SERPINB13: variants seen among roughly 807,000 people sequenced by gnomAD.
The protein encoded by SERPINB13 is serpin B13.
Under a neutral mutation model 31.2 loss-of-function variants are expected in SERPINB13, and 26 were observed. The ratio of observed to expected loss-of-function variants is 0.83; its 90% CI spans 0.61 to 1.15. The LOEUF (loss-of-function observed/expected upper bound fraction) is 1.15, where lower values mean the gene tolerates loss of function less well. Among genes scored for constraint, SERPINB13 ranks in the 50% most tolerant of loss-of-function variants. SERPINB13 has a pLI of 0.00. For synonymous variants in SERPINB13, 191 were observed against 172.4 expected (o/e 1.11, Z -0.85); for missense variants, 510 against 469.4 (o/e 1.09, Z -0.80).
intron 3 of SERPINB13, 39 bp from the exon 4 acceptor site, chr18:63,592,309 G>T: frequency 6.3e-7 from 1 of 1,589,306 alleles, no homozygotes; most frequent in Non-Finnish European, 8.6e-7. Flanking sequence ...GCTTGCTTTT[G>T]CCAAGATAAC....
At position 63,592,381 on chromosome 18, in the gene SERPINB13, C is replaced by G; in HGVS notation, c.259C>G (p.Gln87Glu). 1 of 1,612,300 alleles carries G rather than the reference C, an allele frequency of 6.2e-7. No individual in the cohort carries two copies. Among genetic ancestry groups the G allele is most frequent in the Non-Finnish European group, 8.5e-7 (1 of 1,179,152 alleles). Residue 87 changes from glutamine to glutamate, a missense_variant, in exon 4 of 8, where the codon CAA (glutamine) becomes GAA (glutamate). Transcript: ENST00000344731. ...ENTEAVHQQF[Q>E]KFLTEISKLT... ...CACAGAAGCAGTACATCAACAATTC[C>G]AAAAGTTTTTGACTGAAATAAGCAA... is the stretch of plus-strand genomic sequence containing the variant.
chr18:63,593,166 G>A (rs925892288), intron 5 of SERPINB13, among the ~76,000 whole-genome samples, 195 bp downstream of exon 5: 5 of 152,180 alleles, frequency 3.3e-5, no homozygotes, highest in Non-Finnish European at 7.3e-5. Flanking sequence ...AGGCCTAGGA[G>A]GTAGGGAAGG....
intron 3 of SERPINB13, among the ~76,000 whole-genome samples, chr18:63,590,830 G>A (rs1222324653): frequency 6.6e-6 from 1 of 152,162 alleles, no homozygotes; most frequent in Non-Finnish European, 1.5e-5. Flanking sequence ...GAAGAGAATA[G>A]AATTACTGAC....
rs1912249213 is a variant in SERPINB13, at chr18:63,597,378, T to C, written c.*15T>C. On this transcript the variant is annotated 3_prime_UTR_variant, in exon 8 of 8. Transcript: ENST00000344731. ...CTTCTCCTTAAGATGATCGTTGCCA[T>C]GGCATTGCTGCTTTTAGCAAAAAAC... 15 of 1,590,040 alleles carry C rather than the reference T, an allele frequency of 9.4e-6. No individual in the cohort carries two copies. Among genetic ancestry groups the C allele is most frequent in the African/African-American group, 1.3e-5 (1 of 74,448 alleles).
Position 63,589,895 on chromosome 18 carries a change from CA to C in SERPINB13, c.225+182del, listed in dbSNP as rs1297307077. The stretch of plus-strand genomic sequence containing the variant: ...GACAAATATTGTTGTAAGGATTATA[CA>C]ATAATAATAACCCCTTAATATTGAG... On this transcript the variant is annotated intron_variant, in intron 3 of 7. Transcript: ENST00000344731. 3.2e-6 allele frequency: 4 copies of C among 1,244,372 alleles called. No individual in the cohort carries two copies. The African/African-American group carries it at 6.1e-5, about 19-fold the overall frequency. 77.1% of individuals were successfully genotyped at this position (1,244,372 alleles called of 1,614,324 possible).
At chr18:63,587,543 C>T (rs181861476) in intron 1 of SERPINB13, 93 bp downstream of exon 1, 4 of 435,192 alleles carry the variant, frequency 9.2e-6, no homozygotes, top group African/African-American at 6.2e-5. Context: ...TTTGCATAGA[C>T]TTTCTGGAGG....
At chr18:63,587,536 G>A in intron 1 of SERPINB13, 86 bp downstream of exon 1, 1 of 444,946 alleles carries the variant, frequency 2.2e-6, no homozygotes, top group Non-Finnish European at 4.6e-6. Flanking sequence ...CTTTTATTTT[G>A]CATAGACTTT....
chr18:63,589,449 C>T (rs1022726924), intron 2 of SERPINB13, among the ~76,000 whole-genome samples: 3 of 97,430 alleles, frequency 3.1e-5, no homozygotes, highest in African/African-American at 1.5e-4. Context: ...AGCAAAACTC[C>T]ATCACACACA....
At chr18:63,594,042 A>C (rs765953049) in intron 5 of SERPINB13, 3 of 682,534 alleles carry the variant, frequency 4.4e-6, no homozygotes, top group Non-Finnish European at 4.8e-6. Context: ...AAACTGAGGC[A>C]CAGAGAGTTT....
In SERPINB13 at chr18:63,588,710, C is replaced by G. The variant is rs1433974812; in HGVS notation, c.43C>G (p.Leu15Val). The change falls in exon 2 of 8, where the codon CTT becomes GTT. Residue 15 changes from leucine to valine, a missense_variant. Coordinates refer to ENST00000344731, the MANE Select transcript of SERPINB13 (RefSeq NM_012397.4). ...GAVSTRLGFD[L>V]FKELKKTNDG... is the part of the protein sequence containing the mutation. Reference sequence around the variant, plus strand: ...CGTCAGCACTCGACTTGGGTTTGATCTTTTCAAAGAGCTGAAGAAAACAAA... The same window carrying G: ...CGTCAGCACTCGACTTGGGTTTGATGTTTTCAAAGAGCTGAAGAAAACAAA... The G allele has an allele frequency of 6.2e-7, 1 of 1,614,156 alleles. No homozygotes were observed. Among genetic ancestry groups the G allele is most frequent in the South Asian group, 1.1e-5 (1 of 91,080 alleles).
At position 63,594,347 on chromosome 18, in the gene SERPINB13, A is replaced by G. The variant is rs1568147067; in HGVS notation, c.473-8A>G. On this transcript the variant is annotated splice_region_variant and splice_polypyrimidine_tract_variant and intron_variant, in intron 5 of 7. Coordinates refer to ENST00000344731, the MANE Select transcript of SERPINB13 (RefSeq NM_012397.4). ...TGGGTCAACCTTTTTCTGTTTCTTC[A>G]TTTGCAGAAAAAATCAAGGACTTGT... The G allele has an allele frequency of 6.2e-7, 1 of 1,613,390 alleles. No homozygotes were observed. The highest frequency in any genetic ancestry group is 1.1e-5 in the South Asian group (1 of 90,954).
intron 6 of SERPINB13, 118 bp downstream of exon 6, chr18:63,594,615 T>C: frequency 9.3e-7 from 1 of 1,069,654 alleles, no homozygotes; most frequent in Non-Finnish European, 1.4e-6. Context: ...CCAAGGTGGG[T>C]GGATCATGAG....
At chr18:63,588,985 T>C (rs531604638) in intron 2 of SERPINB13, among the ~76,000 whole-genome samples, 153 bp downstream of exon 2, 6 of 152,140 alleles carry the variant, frequency 3.9e-5, no homozygotes, top group Non-Finnish European at 5.9e-5. Flanking sequence ...ATTTCAGGTC[T>C]ATCAGGAAAG....
intron 3 of SERPINB13, among the ~76,000 whole-genome samples, chr18:63,591,122 T>G (rs1911824905): frequency 6.6e-6 from 1 of 152,140 alleles, no homozygotes; most frequent in African/African-American, 2.4e-5. Flanking sequence ...TATAACACCT[T>G]CCTTGAGCAC....
intron 4 of SERPINB13, 78 bp from the exon 5 acceptor site, chr18:63,592,776 T>C: frequency 1.0e-6 from 1 of 958,370 alleles, no homozygotes; most frequent in East Asian, 2.4e-5. Context: ...AATGTATACA[T>C]AAATTTATTT....
intron 3 of SERPINB13, 40 bp from the exon 4 acceptor site, chr18:63,592,308 T>G: frequency 3.1e-6 from 5 of 1,589,074 alleles, no homozygotes; most frequent in Non-Finnish European, 4.3e-6. Context: ...GGCTTGCTTT[T>G]GCCAAGATAA....
At chr18:63,594,533 A>G (rs1419936948) in intron 6 of SERPINB13, 36 bp downstream of exon 6, 1 of 1,606,614 alleles carries the variant, frequency 6.2e-7, no homozygotes, top group African/African-American at 1.3e-5. Context: ...ATGTGCTTAC[A>G]CATGGAATGT....
chr18:63,594,501 T>A lies in SERPINB13; in HGVS notation c.615+4T>A, dbSNP rs1311985553. ...AGAGAAATTTTGGATGAATAAGGTA[T>A]GGCCCTTAGTTTATTTTCGTGATGT... On this transcript the variant is annotated splice_donor_region_variant and intron_variant, in intron 6 of 7. Coordinates refer to ENST00000344731, the MANE Select transcript of SERPINB13 (RefSeq NM_012397.4). 1.2e-6 allele frequency: 2 copies of A among 1,612,986 alleles called. No homozygotes were observed. Among genetic ancestry groups the A allele is most frequent in the African/African-American group, 2.7e-5 (2 of 74,818 alleles).
chr18:63,594,171 G>A (rs1314183428), intron 5 of SERPINB13, 184 bp from the exon 6 acceptor site: 1 of 1,507,078 alleles, frequency 6.6e-7, no homozygotes, highest in East Asian at 2.7e-5. Context: ...GGGATAAATA[G>A]GCGATGGGCA....
Sources: gnomAD v4.1 joint callset for allele counts (sites outside exome capture counted in the v4.1 genomes callset) on GRCh38, gnomAD v4.1.1 for gene constraint, MANE v1.5 for transcripts, NCBI Gene and HGNC (gene_info 2026-07-23, HGNC 2026-07-21) for gene names.